Variants in RHBDD1 observed in about 807,000 individuals in gnomAD.
RHBDD1 encodes rhomboid-related protein 4.
Under a neutral mutation model 36.3 loss-of-function variants are expected in RHBDD1, and 38 were observed. That is an observed-to-expected ratio of 1.05 (90% CI 0.81 to 1.37). RHBDD1 has a LOEUF of 1.37. Among genes scored for constraint, RHBDD1 ranks in the 40% most tolerant of loss-of-function variants. The pLI is 0.00. For synonymous variants in RHBDD1, 151 were observed against 136.5 expected (o/e 1.11, Z -0.74); for missense variants, 393 against 377.6 (o/e 1.04, Z -0.34).
rs1242297215 is a variant in RHBDD1 at position 226,876,956 on chromosome 2, A to T, written c.566+9638A>T. On this transcript the variant is annotated intron_variant, in intron 5 of 8. Transcript: ENST00000392062. Reference sequence around the variant, plus strand: ...AAAACTTTTAATGTTTGGCTTAATTAAAAAAATCTGATTCCCATATTTGCT... The same window carrying T: ...AAAACTTTTAATGTTTGGCTTAATTTAAAAAATCTGATTCCCATATTTGCT... Among the ~76,000 whole-genome samples, 13 of 152,212 alleles carry T rather than the reference A, an allele frequency of 8.5e-5. 1 individual carries two copies. The highest frequency in any genetic ancestry group is 6.5e-4 in the Admixed American group (10 of 15,280).
chr2:226,907,128 C>G, intron 6 of RHBDD1: 1 of 564,652 alleles, frequency 1.8e-6, no homozygotes, highest in Non-Finnish European at 3.2e-6. Flanking sequence ...TATATTTATA[C>G]CCTCAACCTT....
intron 8 of RHBDD1, among the ~76,000 whole-genome samples, chr2:226,993,619 TGTTCTA>T (rs1455122185): frequency 3.3e-5 from 5 of 152,040 alleles, no homozygotes; most frequent in Non-Finnish European, 7.4e-5. Flanking sequence ...TATTTTGGGG[TGTTCTA>T]GTCAGGAAGG....
At chr2:226,823,014 T>C in the RHBDD1 span, among the ~76,000 whole-genome samples, 101 of 152,232 alleles carry the variant, frequency 6.6e-4, 2 homozygotes, top group East Asian at 0.017. Flanking sequence ...TCATCCCAGC[T>C]ACCTGGAAGG....
At chr2:226,843,710 G>A (rs374256290) in intron 3 of RHBDD1, among the ~76,000 whole-genome samples, 74 of 152,288 alleles carry the variant, frequency 4.9e-4, no homozygotes, top group African/African-American at 1.6e-3. Flanking sequence ...GGTTCATCAA[G>A]GATATTGGCC....
chr2:226,935,021 C>A (rs1950250510), intron 8 of RHBDD1, among the ~76,000 whole-genome samples: 1 of 151,982 alleles, frequency 6.6e-6, no homozygotes, highest in Admixed American at 6.6e-5. Context: ...TTCTTAGATT[C>A]TTCTGAAAGG....
At chr2:226,890,100 G>T (rs1190754134) in intron 5 of RHBDD1, among the ~76,000 whole-genome samples, 1 of 152,190 alleles carries the variant, frequency 6.6e-6, no homozygotes, top group Non-Finnish European at 1.5e-5. Context: ...GCCAGTCAGA[G>T]CACGTCCAAG....
chr2:226,925,828 A>G (rs1949630445), intron 8 of RHBDD1, among the ~76,000 whole-genome samples: 1 of 152,192 alleles, frequency 6.6e-6, no homozygotes, highest in African/African-American at 2.4e-5. Context: ...TCTTAATTGC[A>G]GAGCTAATTA....
At chr2:226,872,372 G>A (rs990436317) in intron 5 of RHBDD1, among the ~76,000 whole-genome samples, 1 of 152,134 alleles carries the variant, frequency 6.6e-6, no homozygotes, top group Non-Finnish European at 1.5e-5. Flanking sequence ...AGGTTTTGCT[G>A]CATGCTTTCT....
At chr2:226,886,184 C>T (rs1946185775) in intron 5 of RHBDD1, among the ~76,000 whole-genome samples, 1 of 152,156 alleles carries the variant, frequency 6.6e-6, no homozygotes, top group Non-Finnish European at 1.5e-5. Context: ...TTCCAAGTTC[C>T]AGAGGGCAGG....
chr2:226,833,490 C>T (rs972049867), upstream of RHBDD1, among the ~76,000 whole-genome samples: 1 of 152,238 alleles, frequency 6.6e-6, no homozygotes, highest in Non-Finnish European at 1.5e-5. Context: ...CGCTTATGTG[C>T]AAGCACCACA....
At chr2:226,803,022 G>T in the RHBDD1 span, among the ~76,000 whole-genome samples, 1 of 152,298 alleles carries the variant, frequency 6.6e-6, no homozygotes, top group Non-Finnish European at 1.5e-5. Context: ...AACACTTTTT[G>T]TATCAAAACA....
chr2:226,810,326 G>GA, the RHBDD1 span, among the ~76,000 whole-genome samples: 1 of 151,970 alleles, frequency 6.6e-6, no homozygotes, highest in Non-Finnish European at 1.5e-5. Context: ...GAACACCTAA[G>GA]GTCAGGAATT....
chr2:226,902,339 C>T (rs1234869059), intron 5 of RHBDD1, among the ~76,000 whole-genome samples: 1 of 152,204 alleles, frequency 6.6e-6, no homozygotes, highest in Non-Finnish European at 1.5e-5. Context: ...CATCTTCCCC[C>T]AAAGCCCAGG....
intron 8 of RHBDD1, among the ~76,000 whole-genome samples, chr2:226,966,773 C>T (rs1281103855): frequency 6.6e-6 from 1 of 152,088 alleles, no homozygotes; most frequent in African/African-American, 2.4e-5. Context: ...TCAAGCAATC[C>T]TCCCACTTCA....
In RHBDD1 at chr2:226,906,887, G is replaced by A. The variant is rs368297325; in HGVS notation, c.655+6G>A. ...AATCATGGAAGCATGTGCAGGTACA[G>A]AATAAAACACCTTTGGCATGACAAC... On this transcript the variant is annotated splice_donor_region_variant and intron_variant, in intron 6 of 8. Coordinates refer to ENST00000392062, the MANE Select transcript of RHBDD1 (RefSeq NM_001167608.3). The A allele has an allele frequency of 2.4e-4, 381 of 1,613,770 alleles. No homozygotes were observed. The highest frequency in any genetic ancestry group is 3.0e-4 in the Admixed American group (18 of 60,020).
upstream of RHBDD1, among the ~76,000 whole-genome samples, chr2:226,833,210 A>G (rs911984719): frequency 6.6e-6 from 1 of 152,240 alleles, no homozygotes; most frequent in African/African-American, 2.4e-5. Context: ...GCTATAAATT[A>G]TCTTATCAGT....
chr2:226,924,235 C>G (rs1289373322), intron 8 of RHBDD1, among the ~76,000 whole-genome samples: 3 of 152,118 alleles, frequency 2.0e-5, no homozygotes, highest in Non-Finnish European at 4.4e-5. Flanking sequence ...GTGATGAATC[C>G]TGCTAGGATT....
chr2:226,957,070 C>A (rs922974076), intron 8 of RHBDD1, among the ~76,000 whole-genome samples: 1 of 152,152 alleles, frequency 6.6e-6, no homozygotes. Context: ...TAGCAAAAAT[C>A]GATTCTATAT....
At chr2:226,943,846 G>T (rs918999942) in intron 8 of RHBDD1, among the ~76,000 whole-genome samples, 1 of 152,252 alleles carries the variant, frequency 6.6e-6, no homozygotes. Flanking sequence ...ATCCCCCTTT[G>T]GTAGCCTTCA....
Sources: allele counts gnomAD v4.1 joint callset (sites outside exome capture counted in the v4.1 genomes callset), GRCh38; gene constraint gnomAD v4.1.1; transcripts MANE v1.5; gene names NCBI Gene and HGNC (gene_info 2026-07-23, HGNC 2026-07-21).